The following FMN1 variants were observed in gnomAD, a reference collection of about 807,000 sequenced individuals.
The protein encoded by FMN1 is formin 1, also known as formin-1.
A neutral mutation model predicts 132.4 loss-of-function variants in FMN1; 110 were observed. The observed-to-expected ratio is 0.83, with a 90% CI of 0.71 to 0.97. The LOEUF is 0.97. Ranked by LOEUF, FMN1 falls within the 50% of genes least tolerant of loss-of-function variation. FMN1 has a pLI of 0.00. For missense variants in FMN1, 1,792 were observed against 1,705.3 expected, an observed-to-expected ratio of 1.05 and a Z score of -0.90; for synonymous variants, 722 against 651.7, an observed-to-expected ratio of 1.11 and a Z score of -1.64.
intron 3 of FMN1, among the ~76,000 whole-genome samples, chr15:33,155,820 G>GTCACATA (rs1343284612): frequency 6.6e-6 from 1 of 152,154 alleles, no homozygotes; most frequent in Admixed American, 6.5e-5. Context: ...CGGCTGAAAT[G>GTCACATA]TCACATAATT....
intron 9 of FMN1, 128 bp downstream of exon 9, chr15:32,963,979 C>CAT: frequency 2.0e-6 from 1 of 507,228 alleles, no homozygotes; most frequent in Admixed American, 3.2e-5. Flanking sequence ...GATACACACA[C>CAT]ATATATGTAT....
chr15:33,061,112 C>T (rs752571612), intron 6 of FMN1, among the ~76,000 whole-genome samples: 22 of 152,124 alleles, frequency 1.4e-4, no homozygotes, highest in Non-Finnish European at 2.8e-4. Flanking sequence ...ATGTTAAATT[C>T]GGTGTCATGT....
At chr15:33,087,332 G>T (rs1025854910) in intron 5 of FMN1, among the ~76,000 whole-genome samples, 14 of 152,064 alleles carry the variant, frequency 9.2e-5, no homozygotes, top group Non-Finnish European at 5.9e-5. Flanking sequence ...ACATTTTTGA[G>T]GTCAAGAGTT....
intron 6 of FMN1, among the ~76,000 whole-genome samples, chr15:33,019,815 C>T (rs1021059386): frequency 9.2e-5 from 14 of 152,190 alleles, no homozygotes; most frequent in Non-Finnish European, 1.9e-4. Flanking sequence ...CTAGCTGGCC[C>T]GCAAGCACCG....
intron 6 of FMN1, chr15:33,063,875 T>C (rs1230317535): frequency 3.9e-5 from 6 of 152,226 alleles, no homozygotes; most frequent in African/African-American, 1.4e-4. Context: ...ATTATGATTT[T>C]TGGAAAATCA....
Position 32,964,040 on chromosome 15 carries a change from CACACACACAT to C in FMN1, c.3138+57_3138+66del, listed in dbSNP as rs2030920096. ...ATACACACACACACACACACACACA[CACACACACAT>C]ATATACCATTTCCCTGTATAATATA... On this transcript the variant is annotated intron_variant, in intron 9 of 20. Transcript: ENST00000616417. The C allele has an allele frequency of 7.8e-6, 9 of 1,161,022 alleles. 1 individual carries two copies. In the African/African-American group the frequency reaches 9.5e-5, roughly 12 times the overall value. The allele number at this position is 1,161,022 out of a possible 1,614,324, so 71.9% of individuals were successfully genotyped here. A position where few individuals can be genotyped will look rare whatever the true frequency, so the allele number is the denominator to read the frequency against.
intron 6 of FMN1, among the ~76,000 whole-genome samples, chr15:33,045,900 C>T (rs1402826118): frequency 2.0e-5 from 3 of 152,216 alleles, no homozygotes; most frequent in Non-Finnish European, 4.4e-5. Flanking sequence ...GGGATCCCTT[C>T]TGCCTGCCTT....
intron 6 of FMN1, among the ~76,000 whole-genome samples, chr15:33,027,443 C>A (rs8034226): frequency 0.057 from 8,640 of 152,178 alleles, 276 homozygotes; most frequent in South Asian, 0.11. Context: ...CTTAAGTATT[C>A]TTAGTGAGAA....
Position 33,153,515 on chromosome 15 carries a change from T to G in FMN1, c.1400A>C (p.His467Pro). ...KRRAGLPLGG[H>P]KSLFLDLPHK... The stretch of plus-strand genomic sequence containing the variant: ...GGGCAGATCCAGAAACAAGGACTTG[T>G]GGCCACCAAGGGGCAACCCGGCTCT... The change falls in exon 4 of 21, where the codon CAC (histidine) becomes CCC (proline). Residue 467 changes from histidine (H) to proline (P), a missense_variant. His to Pro is a moderately conservative substitution (Grantham distance 77). Coordinates refer to ENST00000616417, the MANE Select transcript of FMN1 (RefSeq NM_001277313.2). The G allele has an allele frequency of 5.9e-6, 9 of 1,536,438 alleles. No homozygotes were observed. The highest frequency in any genetic ancestry group is 7.0e-6 in the Non-Finnish European group (8 of 1,146,966).
intron 16 of FMN1, among the ~76,000 whole-genome samples, chr15:32,857,381 AC>A (rs1164738009): frequency 6.6e-6 from 1 of 152,200 alleles, no homozygotes; most frequent in Non-Finnish European, 1.5e-5. Context: ...AAAGTCTCTG[AC>A]CTGGGATAGG....
At chr15:32,954,766 G>A (rs939144930) in intron 9 of FMN1, among the ~76,000 whole-genome samples, 1 of 150,430 alleles carries the variant, frequency 6.6e-6, no homozygotes, top group Non-Finnish European at 1.5e-5. Context: ...AGCACTTTGG[G>A]AGGTCAAGGT....
chr15:33,173,046 G>A (rs1038252882), intron 3 of FMN1, among the ~76,000 whole-genome samples: 2 of 152,176 alleles, frequency 1.3e-5, no homozygotes, highest in African/African-American at 4.8e-5. Context: ...CAATGACGGA[G>A]CAGCTGAAGA....
chr15:33,004,414 A>C (rs1174042759), intron 7 of FMN1, among the ~76,000 whole-genome samples: 3 of 152,234 alleles, frequency 2.0e-5, no homozygotes, highest in East Asian at 1.9e-4. Context: ...GAAGACATTT[A>C]TGCAGCCAAC....
At chr15:32,850,256 G>A (rs2058978738) in intron 17 of FMN1, among the ~76,000 whole-genome samples, 1 of 152,172 alleles carries the variant, frequency 6.6e-6, no homozygotes. Flanking sequence ...GGTTGAATAT[G>A]GTGATTCAGA....
chr15:33,098,043 T>A (rs570730176), intron 4 of FMN1, among the ~76,000 whole-genome samples: 5 of 152,186 alleles, frequency 3.3e-5, no homozygotes, highest in African/African-American at 1.2e-4. Context: ...CAAAATCATA[T>A]GAAATATATT....
Position 33,160,828 on chromosome 15 carries a change from TTCTG to T in FMN1, c.-131-5787_-131-5784del, listed in dbSNP as rs149644923. Among the ~76,000 whole-genome samples the T allele has an allele frequency of 9.0e-3, 1,374 of 152,322 alleles. 20 individuals carry two copies. Among genetic ancestry groups the T allele is most frequent in the African/African-American group, 0.032 (1,310 of 41,562 alleles). ...TCCTCTGACAGGCTCCAGGCTGGCA[TTCTG>T]TCTATGACAACATTGCAGCAGTGAT... On this transcript the variant is annotated intron_variant, in intron 3 of 20. Transcript: ENST00000616417.
intron 9 of FMN1, among the ~76,000 whole-genome samples, chr15:32,958,145 G>T (rs2030044357): frequency 6.6e-6 from 1 of 152,048 alleles, no homozygotes; most frequent in Non-Finnish European, 1.5e-5. Flanking sequence ...TCAAAGATTT[G>T]GCTTCCTATT....
At chr15:32,798,666 G>A in intron 19 of FMN1, 138 bp downstream of exon 19, 1 of 730,072 alleles carries the variant, frequency 1.4e-6, no homozygotes, top group Non-Finnish European at 2.1e-6. Flanking sequence ...GATCCCTGAG[G>A]CAAAAAGTCC....
chr15:33,192,737 A>G (rs1039459382), intron 2 of FMN1, among the ~76,000 whole-genome samples: 2 of 152,328 alleles, frequency 1.3e-5, no homozygotes, highest in African/African-American at 4.8e-5. Context: ...AAAAAAATGC[A>G]TAATTTTTAG....
Sources: gnomAD v4.1 joint callset for allele counts (sites outside exome capture counted in the v4.1 genomes callset) on GRCh38, gnomAD v4.1.1 for gene constraint, MANE v1.5 for transcripts, NCBI Gene and HGNC (gene_info 2026-07-23, HGNC 2026-07-21) for gene names.